The following IKZF2 variants were observed in gnomAD, a reference collection of about 807,000 sequenced individuals.
The protein encoded by IKZF2 is zinc finger protein Helios.
In IKZF2, 15 loss-of-function variants were observed where a neutral mutation model predicts 49.2. The observed-to-expected ratio is 0.30, with a 90% CI of 0.20 to 0.47. The LOEUF (loss-of-function observed/expected upper bound fraction) is 0.47. Among genes scored for constraint, IKZF2 ranks in the 20% least tolerant of loss-of-function variants. The pLI is 1.00. For missense variants in IKZF2, 567 were observed against 664.6 expected, an observed-to-expected ratio of 0.85 and a Z score of 1.61; for synonymous variants, 227 against 221.4, an observed-to-expected ratio of 1.03 and a Z score of -0.23.
chr2:213,062,554 A>G (rs1458038834), intron 4 of IKZF2, among the ~76,000 whole-genome samples: 1 of 151,894 alleles, frequency 6.6e-6, no homozygotes, highest in African/African-American at 2.4e-5. Context: ...AGTGTGGAAC[A>G]GAAGATAGTA....
At chr2:213,151,239 C>G (rs2126005514) in intron 1 of IKZF2, among the ~76,000 whole-genome samples, 174 bp downstream of exon 1, 2 of 152,204 alleles carry the variant, frequency 1.3e-5, no homozygotes, top group East Asian at 3.9e-4. Flanking sequence ...TACTGGTTAA[C>G]AGCAACAAGT....
chr2:213,027,041 C>T (rs1356562527), intron 6 of IKZF2, among the ~76,000 whole-genome samples: 1 of 152,090 alleles, frequency 6.6e-6, no homozygotes, highest in African/African-American at 2.4e-5. Context: ...TGCTGCCCTA[C>T]CTGCCCCCAA....
chr2:213,124,712 A>G (rs1474703507), intron 4 of IKZF2, among the ~76,000 whole-genome samples: 2 of 152,236 alleles, frequency 1.3e-5, no homozygotes, highest in Non-Finnish European at 2.9e-5. Flanking sequence ...GTATACAACA[A>G]CAACAAAGTA....
chr2:213,023,976 C>A lies in IKZF2; in HGVS notation c.575-1846G>T, dbSNP rs562601653. Among the ~76,000 whole-genome samples the A allele has an allele frequency of 1.5e-3, 235 of 152,192 alleles. 4 individuals are homozygous for A. Among genetic ancestry groups the A allele is most frequent in the Non-Finnish European group, 2.6e-3 (177 of 67,970 alleles). On this transcript the variant is annotated intron_variant, in intron 6 of 8. Transcript: ENST00000434687. The stretch of plus-strand genomic sequence containing the variant: ...CATTCTATTCCCCTTGGCTCACAAC[C>A]CTCTAAAAGTCCCAACTCACCTGAT...
chr2:213,122,657 A>G (rs1392505629), intron 4 of IKZF2, among the ~76,000 whole-genome samples: 2 of 152,246 alleles, frequency 1.3e-5, no homozygotes, highest in Non-Finnish European at 2.9e-5. Context: ...CTGCAGTGAC[A>G]TAATTAAATG....
chr2:213,081,649 A>G (rs1020893684), intron 4 of IKZF2, among the ~76,000 whole-genome samples: 2 of 152,212 alleles, frequency 1.3e-5, no homozygotes, highest in East Asian at 3.8e-4. Flanking sequence ...AAGATATCCC[A>G]GAAGGGGGAA....
At position 213,009,831 on chromosome 2, in the gene IKZF2, A is replaced by G. The variant is rs1695754852; in HGVS notation, c.857-1747T>C. On this transcript the variant is annotated intron_variant, in intron 8 of 8. Transcript: ENST00000434687. ...ATCAAGGACAATAATGTGATTGTAA[A>G]CATAGCCAAGTGAAGAAACATGAGG... 2.0e-5 allele frequency among the ~76,000 whole-genome samples: 3 copies of G among 152,216 alleles called. No individual in the cohort carries two copies. In the South Asian group the frequency reaches 6.2e-4, roughly 32 times the overall value.
chr2:213,122,579 A>T (rs13423325), intron 4 of IKZF2, among the ~76,000 whole-genome samples: 8,338 of 152,274 alleles, frequency 0.055, 756 homozygotes, highest in African/African-American at 0.19. Context: ...AGAATTTCAT[A>T]ATGTCTCTTG....
intron 8 of IKZF2, 43 bp from the exon 9 acceptor site, chr2:213,008,127 AATAC>A (rs751730597): frequency 1.3e-6 from 2 of 1,489,294 alleles, no homozygotes; most frequent in Non-Finnish European, 1.8e-6. Flanking sequence ...AAAAAAAAAA[AATAC>A]AACAACATTA....
intron 6 of IKZF2, among the ~76,000 whole-genome samples, chr2:213,033,534 A>G (rs184022093): frequency 5.1e-4 from 77 of 152,350 alleles, no homozygotes; most frequent in East Asian, 3.9e-3. Flanking sequence ...TATATGCTGT[A>G]TTAACAGCCA....
chr2:213,021,222 A>C (rs1697173137), intron 7 of IKZF2, among the ~76,000 whole-genome samples: 1 of 152,040 alleles, frequency 6.6e-6, no homozygotes, highest in Admixed American at 6.6e-5. Flanking sequence ...CAAAAAAAAT[A>C]AAATAAAATA....
At chr2:213,041,352 A>G (rs13385782) in intron 6 of IKZF2, among the ~76,000 whole-genome samples, 85,958 of 149,328 alleles carry the variant, frequency 0.58, 25,588 homozygotes, top group East Asian at 0.77. Context: ...GGGGGGTGGG[A>G]GGATGGAGTT....
At chr2:213,024,152 G>C (rs977479003) in intron 6 of IKZF2, among the ~76,000 whole-genome samples, 2 of 151,978 alleles carry the variant, frequency 1.3e-5, no homozygotes, top group African/African-American at 4.8e-5. Flanking sequence ...AGTCCAACAG[G>C]GATCTGAGTT....
At chr2:213,080,617 T>C (rs13387516) in intron 4 of IKZF2, among the ~76,000 whole-genome samples, 63,755 of 152,028 alleles carry the variant, frequency 0.42, 14,218 homozygotes, top group African/African-American at 0.52. Flanking sequence ...GAGAACTAAA[T>C]GTTCAGAAAA....
chr2:213,042,706 T>A (rs1373695716), intron 6 of IKZF2, among the ~76,000 whole-genome samples: 2 of 152,152 alleles, frequency 1.3e-5, no homozygotes, highest in Non-Finnish European at 2.9e-5. Context: ...GAAGTCTGAC[T>A]GCTTCACAGG....
At chr2:213,031,196 C>A (rs1456474728) in intron 6 of IKZF2, among the ~76,000 whole-genome samples, 2 of 152,196 alleles carry the variant, frequency 1.3e-5, no homozygotes, top group African/African-American at 4.8e-5. Context: ...GTTCCTTTAA[C>A]ATAAATTTCT....
chr2:213,026,416 G>T (rs1447220833), intron 6 of IKZF2, among the ~76,000 whole-genome samples: 3 of 152,056 alleles, frequency 2.0e-5, no homozygotes, highest in African/African-American at 7.2e-5. Flanking sequence ...CTCCATGTTA[G>T]ATCTTGACCT....
chr2:213,017,755 G>A (rs1008709784), intron 7 of IKZF2, among the ~76,000 whole-genome samples: 2 of 152,164 alleles, frequency 1.3e-5, no homozygotes, highest in Admixed American at 1.3e-4. Flanking sequence ...TGGATGTTCT[G>A]CTGATTTAGG....
intron 4 of IKZF2, among the ~76,000 whole-genome samples, chr2:213,134,168 G>A (rs545524352): frequency 3.9e-5 from 6 of 152,260 alleles, no homozygotes; most frequent in South Asian, 4.2e-4. Context: ...TAGACACTTC[G>A]AGAGGAAAAT....
Sources: allele counts gnomAD v4.1 joint callset (sites outside exome capture counted in the v4.1 genomes callset), GRCh38; gene constraint gnomAD v4.1.1; transcripts MANE v1.5; gene names NCBI Gene and HGNC (gene_info 2026-07-23, HGNC 2026-07-21).